OCA2: variants seen among roughly 807,000 people sequenced by gnomAD.
The protein encoded by OCA2 is OCA2 melanosomal transmembrane protein.
A neutral mutation model predicts 100.2 loss-of-function variants in OCA2; 77 were observed. The ratio of observed to expected loss-of-function variants is 0.77; its 90% CI spans 0.64 to 0.93. The LOEUF is 0.93. Among genes scored for constraint, OCA2 ranks in the 40% least tolerant of loss-of-function variants. The pLI is 0.00. For synonymous variants in OCA2, 432 were observed against 439.2 expected (o/e 0.98, Z 0.21); for missense variants, 1,062 against 1,089.1 (o/e 0.98, Z 0.35).
At chr15:27,966,563 G>T in intron 15 of OCA2, 127 bp downstream of exon 15, 1 of 991,256 alleles carries the variant, frequency 1.0e-6, no homozygotes, top group Non-Finnish European at 1.6e-6. Context: ...GGTGGACGTG[G>T]AGAGTCACTG....
At chr15:27,876,065 C>A (rs182620908) in intron 19 of OCA2, among the ~76,000 whole-genome samples, 90 of 152,016 alleles carry the variant, frequency 5.9e-4, no homozygotes, top group African/African-American at 2.1e-3. Flanking sequence ...GACTGTTGAA[C>A]GGAAAAGGTG....
At chr15:28,066,313 A>G (rs2044022087) in intron 2 of OCA2, among the ~76,000 whole-genome samples, 2 of 152,166 alleles carry the variant, frequency 1.3e-5, no homozygotes, top group Non-Finnish European at 2.9e-5. Flanking sequence ...TGAAACCAAA[A>G]ATAAAATTCT....
intron 23 of OCA2, among the ~76,000 whole-genome samples, chr15:27,765,230 G>A (rs1462760920): frequency 8.5e-5 from 13 of 152,116 alleles, no homozygotes; most frequent in Admixed American, 7.2e-4. Flanking sequence ...GAGAGCCAGT[G>A]TCCTTATACA....
At chr15:27,900,317 C>A (rs1250698444) in intron 19 of OCA2, among the ~76,000 whole-genome samples, 1 of 152,080 alleles carries the variant, frequency 6.6e-6, no homozygotes, top group Non-Finnish European at 1.5e-5. Context: ...GAGGAACACC[C>A]AGAACATTCT....
intron 23 of OCA2, among the ~76,000 whole-genome samples, chr15:27,823,720 C>A (rs2034593509): frequency 6.6e-6 from 1 of 152,182 alleles, no homozygotes; most frequent in Admixed American, 6.5e-5. Flanking sequence ...CCCGAAAAAA[C>A]TCTAAATTCC....
intron 21 of OCA2, among the ~76,000 whole-genome samples, chr15:27,869,159 C>A (rs544522992): frequency 6.6e-6 from 1 of 152,330 alleles, no homozygotes; most frequent in African/African-American, 2.4e-5. Context: ...GATGCATGGG[C>A]TTTGAAGAGC....
chr15:27,991,931 G>A (rs951647308), intron 9 of OCA2, among the ~76,000 whole-genome samples: 2 of 152,132 alleles, frequency 1.3e-5, no homozygotes, highest in African/African-American at 4.8e-5. Context: ...TGTAGTACTA[G>A]ATTCAAAGTT....
At chr15:28,044,278 C>T (rs550519023) in intron 2 of OCA2, among the ~76,000 whole-genome samples, 8 of 152,290 alleles carry the variant, frequency 5.3e-5, no homozygotes, top group East Asian at 3.9e-4. Flanking sequence ...TAGGTGGCAA[C>T]GCATGCATGA....
chr15:27,922,335 C>T (rs996503152), intron 19 of OCA2, among the ~76,000 whole-genome samples: 2 of 152,220 alleles, frequency 1.3e-5, no homozygotes, highest in Admixed American at 6.5e-5. Context: ...AGGCAATTTA[C>T]TGAAGGGATT....
intron 23 of OCA2, among the ~76,000 whole-genome samples, chr15:27,832,118 A>T (rs2034984303): frequency 6.6e-6 from 1 of 152,030 alleles, no homozygotes; most frequent in Non-Finnish European, 1.5e-5. Flanking sequence ...CATACTCAAG[A>T]CCAAACTCTG....
At chr15:28,075,254 A>T (rs2044394984) in intron 2 of OCA2, among the ~76,000 whole-genome samples, 1 of 152,228 alleles carries the variant, frequency 6.6e-6, no homozygotes, top group South Asian at 2.1e-4. Flanking sequence ...GTCAGAAGAT[A>T]ATTGGGAAAA....
chr15:28,066,426 G>A (rs1478131023), intron 2 of OCA2, among the ~76,000 whole-genome samples: 2 of 152,170 alleles, frequency 1.3e-5, no homozygotes, highest in Admixed American at 6.5e-5. Flanking sequence ...GGTGGGAGGC[G>A]TTAGATATGC....
chr15:27,910,948 T>G (rs1225832517), intron 19 of OCA2, among the ~76,000 whole-genome samples: 1 of 148,894 alleles, frequency 6.7e-6, no homozygotes, highest in Non-Finnish European at 1.5e-5. Flanking sequence ...AGAGTGAGAC[T>G]CCATCTAAAA....
chr15:27,776,006 C>T lies in OCA2; in HGVS notation c.2433-20534G>A, dbSNP rs1050745982. Among the ~76,000 whole-genome samples the T allele has an allele frequency of 3.6e-4, 55 of 152,242 alleles. 1 individual carries two copies. The highest frequency in any genetic ancestry group is 1.2e-3 in the African/African-American group (50 of 41,476). On this transcript the variant is annotated intron_variant, in intron 23 of 23. Transcript: ENST00000354638. ...CAAAGTTTTGCCATGTGCCCTTGAA[C>T]GGAGCTACCTCCTGGCCCACCTTCT...
At chr15:27,794,058 T>C (rs2033212718) in intron 23 of OCA2, among the ~76,000 whole-genome samples, 1 of 152,172 alleles carries the variant, frequency 6.6e-6, no homozygotes, top group African/African-American at 2.4e-5. Context: ...GATCTTTTCT[T>C]AGTAAGTCAC....
At chr15:27,725,515 C>T in the OCA2 span, among the ~76,000 whole-genome samples, 1 of 152,176 alleles carries the variant, frequency 6.6e-6, no homozygotes, top group African/African-American at 2.4e-5. Context: ...TTGTAGTGGG[C>T]CAAGGTTGTG....
intron 18 of OCA2, among the ~76,000 whole-genome samples, chr15:27,939,719 C>T (rs1022246179): frequency 2.6e-5 from 4 of 152,224 alleles, no homozygotes; most frequent in East Asian, 1.9e-4. Context: ...GGTCAGGAAT[C>T]GTGCCTCATT....
At chr15:27,775,100 G>C (rs1242353146) in intron 23 of OCA2, among the ~76,000 whole-genome samples, 1 of 150,080 alleles carries the variant, frequency 6.7e-6, no homozygotes, top group African/African-American at 2.5e-5. Flanking sequence ...GTGTGTGTGT[G>C]TGTCTGTGTG....
intron 19 of OCA2, among the ~76,000 whole-genome samples, chr15:27,884,965 C>T (rs944957882): frequency 2.1e-5 from 3 of 144,298 alleles, no homozygotes; most frequent in Non-Finnish European, 2.9e-5. Context: ...TGAGGACAAC[C>T]GTGCCCTTCA....
Sources: gnomAD v4.1 joint callset for allele counts (sites outside exome capture counted in the v4.1 genomes callset) on GRCh38, gnomAD v4.1.1 for gene constraint, MANE v1.5 for transcripts, NCBI Gene and HGNC (gene_info 2026-07-23, HGNC 2026-07-21) for gene names.